Variants in GMEB1 observed in about 807,000 individuals in gnomAD.
GMEB1 encodes glucocorticoid modulatory element binding protein 1, also known as glucocorticoid modulatory element-binding protein 1.
Under a neutral mutation model 52.4 loss-of-function variants are expected in GMEB1, and 6 were observed. The ratio of observed to expected loss-of-function variants is 0.11; its 90% CI spans 0.06 to 0.23. The LOEUF (loss-of-function observed/expected upper bound fraction) is 0.23, where lower values mean the gene tolerates loss of function less well. GMEB1 is among the 10% of genes least tolerant of loss of function. The pLI is 1.00. For missense variants in GMEB1, 486 were observed against 685.6 expected, an observed-to-expected ratio of 0.71 and a Z score of 3.25; for synonymous variants, 255 against 244.9, an observed-to-expected ratio of 1.04 and a Z score of -0.38.
chr1:28,698,166 C>G (rs895112793), intron 6 of GMEB1, among the ~76,000 whole-genome samples: 17 of 150,310 alleles, frequency 1.1e-4, no homozygotes, highest in African/African-American at 4.2e-4. Context: ...GTCAAGAGAT[C>G]GAGACCATCC....
chr1:28,713,590 G>A (rs555716516), intron 9 of GMEB1, among the ~76,000 whole-genome samples: 11 of 152,290 alleles, frequency 7.2e-5, no homozygotes, highest in Admixed American at 6.5e-4. Context: ...ACTTTCTGTA[G>A]ACCTTCCTAG....
At chr1:28,706,992 T>G (rs1242516783) in intron 8 of GMEB1, among the ~76,000 whole-genome samples, 1 of 130,798 alleles carries the variant, frequency 7.6e-6, no homozygotes, top group East Asian at 2.3e-4. Context: ...TTTTTTTTTT[T>G]TTTTTTTTTT....
intron 1 of GMEB1, among the ~76,000 whole-genome samples, chr1:28,682,671 T>G (rs1669446597): frequency 1.3e-5 from 2 of 149,762 alleles, no homozygotes; most frequent in South Asian, 4.2e-4. Flanking sequence ...GAATTCAGCA[T>G]TTATTAAGCA....
chr1:28,678,895 TTTTG>T (rs895740113), intron 1 of GMEB1, among the ~76,000 whole-genome samples: 5 of 151,532 alleles, frequency 3.3e-5, no homozygotes, highest in East Asian at 2.0e-4. Flanking sequence ...TAGTTGTTTT[TTTTG>T]TTTGTTTGTT....
intron 8 of GMEB1, among the ~76,000 whole-genome samples, chr1:28,705,082 CAAAA>C (rs756423377): frequency 6.1e-5 from 3 of 49,226 alleles, no homozygotes; most frequent in African/African-American, 2.2e-4. Flanking sequence ...GACCTTGTCT[CAAAA>C]AAAAAAAAAA....
chr1:28,706,027 G>A (rs1185801419), intron 8 of GMEB1, among the ~76,000 whole-genome samples: 3 of 151,734 alleles, frequency 2.0e-5, no homozygotes, highest in Non-Finnish European at 1.5e-5. Flanking sequence ...GGTGGCGGAC[G>A]CCTGTAGTCT....
At chr1:28,683,495 C>T in intron 1 of GMEB1, 88 bp from the exon 2 acceptor site, 1 of 1,146,412 alleles carries the variant, frequency 8.7e-7, no homozygotes, top group Non-Finnish European at 1.2e-6. Flanking sequence ...TCCCAAAGTG[C>T]TGGGATTCCA....
At chr1:28,677,270 T>A (rs1244337687) in intron 1 of GMEB1, among the ~76,000 whole-genome samples, 4 of 152,176 alleles carry the variant, frequency 2.6e-5, no homozygotes, top group Admixed American at 1.3e-4. Flanking sequence ...TTTTCTTTTT[T>A]TTTTGGAGAT....
intron 7 of GMEB1, among the ~76,000 whole-genome samples, chr1:28,703,268 C>G (rs1180362115): frequency 1.3e-5 from 2 of 152,134 alleles, no homozygotes; most frequent in East Asian, 3.8e-4. Context: ...TAGAGGGGAC[C>G]AGGAGAGGCT....
intron 6 of GMEB1, among the ~76,000 whole-genome samples, chr1:28,700,058 C>CA (rs34231884): frequency 0.08 from 4,817 of 60,314 alleles, 307 homozygotes; most frequent in African/African-American, 0.2. Context: ...GACCCTGTCT[C>CA]AAAAAAAAAA....
intron 1 of GMEB1, among the ~76,000 whole-genome samples, chr1:28,683,129 T>C (rs1208459088): frequency 6.6e-6 from 1 of 152,140 alleles, no homozygotes; most frequent in Non-Finnish European, 1.5e-5. Context: ...ATAGCCCATC[T>C]CACAGTTCCC....
chr1:28,707,925 G>A (rs541037851), intron 8 of GMEB1, among the ~76,000 whole-genome samples: 3 of 151,748 alleles, frequency 2.0e-5, no homozygotes, highest in South Asian at 4.2e-4. Flanking sequence ...TGGAGACAGG[G>A]TCTTGCTCTG....
chr1:28,696,447 C>T (rs753085808), intron 5 of GMEB1, among the ~76,000 whole-genome samples: 2 of 151,878 alleles, frequency 1.3e-5, no homozygotes, highest in Non-Finnish European at 2.9e-5. Context: ...CCAATTTTCC[C>T]CAAATGTAAA....
intron 1 of GMEB1, among the ~76,000 whole-genome samples, chr1:28,675,449 C>T (rs1256240844): frequency 6.6e-6 from 1 of 151,870 alleles, no homozygotes; most frequent in East Asian, 1.9e-4. Context: ...GAGACAGGCG[C>T]GGGCAGATCA....
chr1:28,683,689 C>G lies in GMEB1; in HGVS notation c.77C>G (p.Pro26Arg). The G allele has an allele frequency of 6.2e-7, 1 of 1,611,898 alleles. No homozygotes were observed. Among genetic ancestry groups the G allele is most frequent in the South Asian group, 1.1e-5 (1 of 90,610 alleles). Residue 26 changes from proline to arginine, a missense_variant, in exon 2 of 10, where the codon CCT becomes CGT. Around this residue, in one of 5 missense-constraint regions of GMEB1, gnomAD observed 88 missense variants for 96.5 expected, o/e 0.91. Coordinates refer to ENST00000373816, the MANE Select transcript of GMEB1 (RefSeq NM_001319674.2). ...VPTEGNEGEN[P>R]EDTKTQVILQ... ...ACTGAAGGAAATGAAGGGGAGAATC[C>G]TGAAGACACTAAAACCCAAGTGATT...
intron 8 of GMEB1, among the ~76,000 whole-genome samples, chr1:28,707,259 GGCGCGAGCCACTGT>G (rs1298950722): frequency 6.6e-6 from 1 of 151,978 alleles, no homozygotes; most frequent in Non-Finnish European, 1.5e-5. Context: ...TGGGATTACA[GGCGCGAGCCACTGT>G]GCCTGTAAAA....
At chr1:28,690,003 C>A in intron 2 of GMEB1, 101 bp from the exon 3 acceptor site, 1 of 709,866 alleles carries the variant, frequency 1.4e-6, no homozygotes. Flanking sequence ...TATTTTATTT[C>A]TTTTGAGATA....
rs367810886 is a variant in GMEB1 at position 28,691,602 on chromosome 1, G to A, written c.229G>A (p.Ala77Thr). The A allele has an allele frequency of 2.4e-5, 38 of 1,559,706 alleles. No individual in the cohort carries two copies. Among genetic ancestry groups the A allele is most frequent in the Non-Finnish European group, 3.1e-5 (35 of 1,144,006 alleles). ...GTTTTCAGATACAGGCACTATAGAA[G>A]CAAATGAGGATATGGAAATTGCTTA... ...EEGIDTGTIE[A>T]NEDMEIAYPI... Residue 77 changes from alanine (A) to threonine (T), a missense_variant, in exon 4 of 10, where the codon GCA becomes ACA. Around this residue, in one of 5 missense-constraint regions of GMEB1, gnomAD observed 88 missense variants for 96.5 expected, o/e 0.91. Coordinates refer to ENST00000373816, the MANE Select transcript of GMEB1 (RefSeq NM_001319674.2).
Position 28,710,600 on chromosome 1 carries a change from C to G in GMEB1, c.949C>G (p.Gln317Glu), listed in dbSNP as rs768552083. The change falls in exon 9 of 10, where the codon CAA becomes GAA. Residue 317 changes from glutamine (Q) to glutamate (E), a missense_variant. Around this residue, in one of 5 missense-constraint regions of GMEB1, gnomAD observed 200 missense variants for 253.5 expected, o/e 0.79. Transcript: ENST00000373816. The stretch of plus-strand genomic sequence containing the variant: ...GAAGGTTTTAGACAACAGAAGGAAC[C>G]AAGTAGAGCAGGGAGAAGAACAGTT... ...VKKVLDNRRN[Q>E]VEQGEEQFLY... The G allele has an allele frequency of 3.4e-5, 54 of 1,608,212 alleles. No individual in the cohort carries two copies. The highest frequency in any genetic ancestry group is 8.0e-5 in the African/African-American group (6 of 74,688).
Sources: gnomAD v4.1 joint callset for allele counts (sites outside exome capture counted in the v4.1 genomes callset) on GRCh38, gnomAD v4.1.1 for gene constraint, gnomAD v4.1.1 regional missense constraint, MANE v1.5 for transcripts, NCBI Gene and HGNC (gene_info 2026-07-23, HGNC 2026-07-21) for gene names.